Variants in PPARGC1A observed in about 807,000 individuals in gnomAD.
PPARGC1A encodes PPARG coactivator 1 alpha.
Under a neutral mutation model 88.7 loss-of-function variants are expected in PPARGC1A, and 25 were observed. The ratio of observed to expected loss-of-function variants is 0.28; its 90% CI spans 0.21 to 0.39. PPARGC1A has a LOEUF of 0.39. Ranked by LOEUF, PPARGC1A falls within the 10% of genes least tolerant of loss-of-function variation. PPARGC1A has a pLI of 1.00. For missense variants in PPARGC1A, 880 were observed against 968.7 expected (o/e 0.91, Z 1.22); for synonymous variants, 363 against 355.6 (o/e 1.02, Z -0.24).
At chr4:24,085,767 A>G in the PPARGC1A span, among the ~76,000 whole-genome samples, 2 of 152,114 alleles carry the variant, frequency 1.3e-5, no homozygotes, top group Admixed American at 1.3e-4. Flanking sequence ...GATGCCATCT[A>G]CTCTGTGAAA....
At chr4:24,296,400 G>A in the PPARGC1A span, among the ~76,000 whole-genome samples, 1 of 151,976 alleles carries the variant, frequency 6.6e-6, no homozygotes, top group African/African-American at 2.4e-5. Context: ...GATAAAATGG[G>A]TGTCTCCTAT....
chr4:23,956,936 G>A, the PPARGC1A span, among the ~76,000 whole-genome samples: 1 of 152,028 alleles, frequency 6.6e-6, no homozygotes, highest in Non-Finnish European at 1.5e-5. Flanking sequence ...CATGAGGTAG[G>A]TGCCCTTAGT....
the PPARGC1A span, among the ~76,000 whole-genome samples, chr4:24,110,720 A>G: frequency 6.6e-6 from 1 of 152,242 alleles, no homozygotes; most frequent in Non-Finnish European, 1.5e-5. Context: ...TGACAGGCAC[A>G]TTAAACATCT....
the PPARGC1A span, among the ~76,000 whole-genome samples, chr4:24,003,554 A>T: frequency 6.6e-6 from 1 of 152,180 alleles, no homozygotes; most frequent in African/African-American, 2.4e-5. Flanking sequence ...TTCAGGTGTC[A>T]AGGAGCCAAC....
chr4:24,072,095 C>T, the PPARGC1A span, among the ~76,000 whole-genome samples: 1 of 148,238 alleles, frequency 6.7e-6, no homozygotes, highest in Admixed American at 6.8e-5. Flanking sequence ...AGTATTAGTC[C>T]TCTTCAATAA....
intron 2 of PPARGC1A, among the ~76,000 whole-genome samples, chr4:23,859,826 A>C (rs138463247): frequency 8.5e-5 from 9 of 106,018 alleles, no homozygotes; most frequent in African/African-American, 1.0e-4. Context: ...AAAATAAAAT[A>C]AAATAAAATA....
the PPARGC1A span, among the ~76,000 whole-genome samples, chr4:24,424,042 TGAG>T: frequency 5.1e-4 from 78 of 152,258 alleles, no homozygotes; most frequent in African/African-American, 1.9e-3. Flanking sequence ...GTAAAGATCT[TGAG>T]AAGAAATGGA....
At chr4:24,413,058 T>C in the PPARGC1A span, among the ~76,000 whole-genome samples, 1 of 152,304 alleles carries the variant, frequency 6.6e-6, no homozygotes, top group South Asian at 2.1e-4. Context: ...GTTTCTTGTA[T>C]GGCCCTCCTC....
chr4:24,014,472 G>A, the PPARGC1A span, among the ~76,000 whole-genome samples: 1 of 152,096 alleles, frequency 6.6e-6, no homozygotes, highest in East Asian at 1.9e-4. Context: ...TTATCTCATG[G>A]TTTCTGCGGA....
the PPARGC1A span, among the ~76,000 whole-genome samples, chr4:24,427,289 T>C: frequency 1.3e-5 from 2 of 151,700 alleles, no homozygotes; most frequent in Admixed American, 1.3e-4. Context: ...TTTATTTTTT[T>C]TTTTTTTTTG....
the PPARGC1A span, among the ~76,000 whole-genome samples, chr4:24,214,373 G>GT: frequency 6.6e-6 from 1 of 152,228 alleles, no homozygotes; most frequent in Admixed American, 6.5e-5. Context: ...GGAAGCTGGA[G>GT]TGAGTGAAGG....
the PPARGC1A span, among the ~76,000 whole-genome samples, chr4:24,192,126 A>G: frequency 6.6e-6 from 1 of 152,034 alleles, no homozygotes; most frequent in Non-Finnish European, 1.5e-5. Flanking sequence ...CTCTAGTTCT[A>G]TTTCCCTACT....
chr4:24,107,847 T>C, the PPARGC1A span, among the ~76,000 whole-genome samples: 12 of 152,158 alleles, frequency 7.9e-5, no homozygotes, highest in Admixed American at 2.0e-4. Flanking sequence ...CCCAGGGTGA[T>C]AGAGTTTCAG....
chr4:24,425,625 C>T, the PPARGC1A span, among the ~76,000 whole-genome samples: 3 of 152,272 alleles, frequency 2.0e-5, no homozygotes, highest in South Asian at 4.1e-4. Flanking sequence ...AGCATGCATA[C>T]ATATGTAAAA....
At chr4:24,097,753 T>TA in the PPARGC1A span, among the ~76,000 whole-genome samples, 247 of 152,288 alleles carry the variant, frequency 1.6e-3, no homozygotes, top group African/African-American at 5.8e-3. Flanking sequence ...GGTAGGGAAA[T>TA]AGAGTACTGG....
chr4:24,307,187 C>A, the PPARGC1A span, among the ~76,000 whole-genome samples: 3 of 152,058 alleles, frequency 2.0e-5, no homozygotes, highest in South Asian at 2.1e-4. Flanking sequence ...CAATACATAC[C>A]CAAGTCTCTA....
chr4:24,229,828 A>G, the PPARGC1A span, among the ~76,000 whole-genome samples: 1 of 144,106 alleles, frequency 6.9e-6, no homozygotes, highest in African/African-American at 2.6e-5. Context: ...CTGGGCAACA[A>G]GAGAAAAACT....
At chr4:24,164,556 G>A in the PPARGC1A span, among the ~76,000 whole-genome samples, 1 of 150,730 alleles carries the variant, frequency 6.6e-6, no homozygotes, top group South Asian at 2.1e-4. Context: ...ACATATACAT[G>A]TATATATACA....
chr4:23,866,897 C>T (rs1330158090), intron 2 of PPARGC1A, among the ~76,000 whole-genome samples: 2 of 152,236 alleles, frequency 1.3e-5, no homozygotes, highest in East Asian at 3.9e-4. Context: ...TGCTGCGCTG[C>T]TTTTGTTAAA....
Sources: gnomAD v4.1 joint callset for allele counts (sites outside exome capture counted in the v4.1 genomes callset) on GRCh38, gnomAD v4.1.1 for gene constraint, MANE v1.5 for transcripts, NCBI Gene and HGNC (gene_info 2026-07-23, HGNC 2026-07-21) for gene names.